Variants in NFYB observed in about 807,000 individuals in gnomAD.
The protein encoded by NFYB is nuclear transcription factor Y subunit beta, also known as CAAT box DNA-binding protein subunit B.
Under a neutral mutation model 28.0 loss-of-function variants are expected in NFYB, and 13 were observed. The ratio of observed to expected loss-of-function variants is 0.46; its 90% confidence interval spans 0.30 to 0.74. NFYB has a LOEUF of 0.74. NFYB is among the 30% of genes least tolerant of loss of function. The pLI is 0.07. For synonymous variants in NFYB, 74 were observed against 75.0 expected (o/e 0.99, Z 0.07); for missense variants, 142 against 247.6 (o/e 0.57, Z 2.86).
chr12:104,128,240 T>C (rs186798466), intron 3 of NFYB, among the ~76,000 whole-genome samples, 184 bp downstream of exon 3: 121 of 152,360 alleles, frequency 7.9e-4, no homozygotes, highest in Admixed American at 2.2e-3. Flanking sequence ...GGACTCATTC[T>C]TTTGAAGACT....
chr12:104,118,474 T>C lies in NFYB; in HGVS notation c.*1263A>G, dbSNP rs1229581067. 1 of 152,626 alleles carries C rather than the reference T, an allele frequency of 6.6e-6. No individual in the cohort carries two copies. Among genetic ancestry groups the C allele is most frequent in the Non-Finnish European group, 1.5e-5 (1 of 68,032 alleles). 9.5% of individuals were successfully genotyped at this position (152,626 alleles called of 1,614,324 possible). A position where few individuals can be genotyped will look rare whatever the true frequency, so the allele number is the denominator to read the frequency against. On this transcript the variant is annotated 3_prime_UTR_variant, in exon 8 of 8. Transcript: ENST00000240055. ...TATAAATTTGAGTGTCCTTCAAAGA[T>C]GATATTCACTCCAACTTCCTTTTAG...
intron 2 of NFYB, among the ~76,000 whole-genome samples, chr12:104,132,243 A>G (rs2030950620): frequency 6.6e-6 from 1 of 152,188 alleles, no homozygotes; most frequent in Non-Finnish European, 1.5e-5. Flanking sequence ...AACAGAAATC[A>G]GTCAGGCAAA....
intron 2 of NFYB, among the ~76,000 whole-genome samples, chr12:104,130,090 G>C (rs969391585): frequency 3.3e-5 from 5 of 152,154 alleles, no homozygotes; most frequent in African/African-American, 7.2e-5. Flanking sequence ...ATCCTAGAAG[G>C]CTTTCTGTTT....
intron 2 of NFYB, among the ~76,000 whole-genome samples, chr12:104,132,206 T>G (rs751060743): frequency 8.7e-4 from 132 of 152,118 alleles, no homozygotes; most frequent in Non-Finnish European, 1.6e-3. Flanking sequence ...TCTTAGGAAA[T>G]GACATTGAAA....
intron 4 of NFYB, chr12:104,125,147 C>T (rs1446054780): frequency 6.6e-6 from 1 of 152,068 alleles, no homozygotes; most frequent in Non-Finnish European, 1.5e-5. Context: ...TTTCCAAATA[C>T]CAGGATTTGT....
rs1199413515 is a variant in NFYB at position 104,126,153 on chromosome 12, C to A, written c.192G>T (p.Val64=). Residue 64 remains valine (V), a synonymous_variant, in exon 4 of 8, where the codon GTG becomes GTT. Coordinates refer to ENST00000240055, the MANE Select transcript of NFYB (RefSeq NM_006166.4). The stretch of plus-strand genomic sequence containing the variant: ...GTATGGCATTTTTCATTATCCTAGC[C>A]ACGTTTGCTATTGGAAGATATATAT... ...EQDIYLPIAN[V]ARIMKNAIPQ... is the part of the protein sequence containing the mutation. The A allele has an allele frequency of 1.9e-6, 3 of 1,601,772 alleles. No individual in the cohort carries two copies. Among genetic ancestry groups the A allele is most frequent in the South Asian group, 2.3e-5 (2 of 87,534 alleles).
At chr12:104,120,350 C>T in intron 7 of NFYB, 50 bp downstream of exon 7, 2 of 1,496,386 alleles carry the variant, frequency 1.3e-6, no homozygotes, top group South Asian at 2.3e-5. Context: ...CCATGGGGCC[C>T]TGTCGATACA....
intron 5 of NFYB, 89 bp from the exon 6 acceptor site, chr12:104,121,410 T>C: frequency 9.4e-7 from 1 of 1,064,132 alleles, no homozygotes; most frequent in South Asian, 1.4e-5. Flanking sequence ...AATTAGGAGC[T>C]TCTATTATTA....
intron 2 of NFYB, among the ~76,000 whole-genome samples, chr12:104,132,255 A>C (rs1468306758): frequency 6.6e-6 from 1 of 152,158 alleles, no homozygotes; most frequent in African/African-American, 2.4e-5. Context: ...TCAGGCAAAA[A>C]GAAAGGTGGG....
chr12:104,137,146 C>A (rs979448493), intron 1 of NFYB, among the ~76,000 whole-genome samples: 1 of 152,142 alleles, frequency 6.6e-6, no homozygotes, highest in Admixed American at 6.5e-5. Context: ...ACGAACCACG[C>A]AACTATGGGG....
In NFYB at chr12:104,119,872, C is replaced by A. The variant is rs2030399243; in HGVS notation, c.592-103G>T. ...AGTGAATAAAAAGACAATAACAAGTCTAATTCCCATTTCTTGTGTATCTTT... is the reference window on the plus strand; with the variant it reads ...AGTGAATAAAAAGACAATAACAAGTATAATTCCCATTTCTTGTGTATCTTT... On this transcript the variant is annotated intron_variant, in intron 7 of 7. Coordinates refer to ENST00000240055, the MANE Select transcript of NFYB (RefSeq NM_006166.4). The A allele has an allele frequency of 2.6e-5, 18 of 703,720 alleles. No homozygotes were observed. In the East Asian group the frequency reaches 4.8e-4, roughly 19 times the overall value. The allele number at this position is 703,720 out of a possible 1,614,324, so 43.6% of individuals were successfully genotyped here. A position where few individuals can be genotyped will look rare whatever the true frequency, so the allele number is the denominator to read the frequency against.
chr12:104,126,358 A>C, intron 3 of NFYB, 114 bp from the exon 4 acceptor site: 1 of 747,914 alleles, frequency 1.3e-6, no homozygotes, highest in Non-Finnish European at 1.9e-6. Flanking sequence ...CTTAACCATT[A>C]TTTAGGGATT....
intron 3 of NFYB, among the ~76,000 whole-genome samples, chr12:104,127,663 CTTTTTTTTT>C (rs71069719): frequency 1.1e-5 from 1 of 92,896 alleles, no homozygotes; most frequent in Non-Finnish European, 2.0e-5. Flanking sequence ...ATAACACTGC[CTTTTTTTTT>C]TTTTTTTTTT....
chr12:104,122,396 C>G (rs966274059), intron 5 of NFYB, among the ~76,000 whole-genome samples: 2 of 152,140 alleles, frequency 1.3e-5, no homozygotes, highest in Non-Finnish European at 2.9e-5. Context: ...TATTTAAGTA[C>G]TGTAATATAA....
chr12:104,121,774 G>A (rs2030486304), intron 5 of NFYB, among the ~76,000 whole-genome samples: 1 of 152,086 alleles, frequency 6.6e-6, no homozygotes, highest in African/African-American at 2.4e-5. Flanking sequence ...ATACTTCTAG[G>A]TTCCTATGAT....
At chr12:104,123,142 C>T (rs1199940178) in intron 5 of NFYB, 84 bp downstream of exon 5, 4 of 1,075,914 alleles carry the variant, frequency 3.7e-6, no homozygotes, top group East Asian at 2.6e-5. Flanking sequence ...TGCCACTGTA[C>T]TCCAGCCTGG....
Position 104,128,420 on chromosome 12 carries a change from T to C in NFYB, c.100+4A>G. ...GAATTTGGTTCTAATTGTGGCTTGCTTACCATCATGAGGCTGTATAACATA... is the reference window on the plus strand; with the variant it reads ...GAATTTGGTTCTAATTGTGGCTTGCCTACCATCATGAGGCTGTATAACATA... On this transcript the variant is annotated splice_donor_region_variant and intron_variant, in intron 3 of 7. Coordinates refer to ENST00000240055, the MANE Select transcript of NFYB (RefSeq NM_006166.4). The C allele has an allele frequency of 1.3e-6, 2 of 1,594,894 alleles. No individual in the cohort carries two copies. The highest frequency in any genetic ancestry group is 1.7e-6 in the Non-Finnish European group (2 of 1,169,560).
Position 104,120,353 on chromosome 12 carries a change from T to C in NFYB, c.591+47A>G, listed in dbSNP as rs1438985346. On this transcript the variant is annotated intron_variant, in intron 7 of 7. Coordinates refer to ENST00000240055, the MANE Select transcript of NFYB (RefSeq NM_006166.4). The stretch of plus-strand genomic sequence containing the variant: ...TACAGGCATGAGCCATGGGGCCCTG[T>C]CGATACAATCAAATTTTTTAAGCAT... The C allele has an allele frequency of 2.6e-6, 4 of 1,519,412 alleles. No individual in the cohort carries two copies. In the South Asian group the frequency reaches 3.4e-5, roughly 13 times the overall value. The allele number at this position is 1,519,412 out of a possible 1,614,324, so 94.1% of individuals were successfully genotyped here.
At position 104,132,618 on chromosome 12, in the gene NFYB, C is replaced by T. The variant is rs950222239; in HGVS notation, c.6+2830G>A. Among the ~76,000 whole-genome samples the T allele has an allele frequency of 2.0e-5, 3 of 152,240 alleles. No individual in the cohort carries two copies. The East Asian group carries it at 5.8e-4, about 29-fold the overall frequency. ...AGCTTTTTAGTAGGTGACTTGGTGA[C>T]TGACTGATAGAGATACAGGAAGACC... On this transcript the variant is annotated intron_variant, in intron 2 of 7. Coordinates refer to ENST00000240055, the MANE Select transcript of NFYB (RefSeq NM_006166.4).
Sources: allele counts gnomAD v4.1 joint callset (sites outside exome capture counted in the v4.1 genomes callset), GRCh38; gene constraint gnomAD v4.1.1; transcripts MANE v1.5; gene names NCBI Gene and HGNC (gene_info 2026-07-23, HGNC 2026-07-21).